Variants in COBL observed in about 807,000 individuals in gnomAD.
COBL encodes protein cordon-bleu.
Under a neutral mutation model 98.8 loss-of-function variants are expected in COBL, and 51 were observed. That is an observed-to-expected ratio of 0.52 (90% confidence interval 0.41 to 0.65). The LOEUF is 0.65. COBL is among the 30% of genes least tolerant of loss of function. COBL has a pLI of 0.00. For missense variants in COBL, 1,617 were observed against 1,617.5 expected (o/e 1.00, Z 0.01); for synonymous variants, 634 against 651.7 (o/e 0.97, Z 0.41).
chr7:51,130,572 A>C (rs904069516), intron 6 of COBL, among the ~76,000 whole-genome samples: 2 of 152,218 alleles, frequency 1.3e-5, no homozygotes, highest in Non-Finnish European at 2.9e-5. Context: ...AAATGCAGAG[A>C]GGACACTTGA....
chr7:51,064,914 T>C (rs900973958), intron 7 of COBL: 14 of 544,348 alleles, frequency 2.6e-5, no homozygotes, highest in Non-Finnish European at 4.2e-5. Context: ...CTGGAAAGGA[T>C]GCAGTGCGGT....
chr7:51,025,583 G>A (rs531127030), intron 11 of COBL, among the ~76,000 whole-genome samples: 1 of 152,306 alleles, frequency 6.6e-6, no homozygotes, highest in East Asian at 1.9e-4. Flanking sequence ...AGGATGCAGA[G>A]AGAAGGCACT....
At chr7:51,215,507 T>C (rs1792946895) in intron 2 of COBL, among the ~76,000 whole-genome samples, 1 of 152,202 alleles carries the variant, frequency 6.6e-6, no homozygotes, top group African/African-American at 2.4e-5. Flanking sequence ...CCACTGAACA[T>C]ACCAAGACTC....
At position 51,138,293 on chromosome 7, in the gene COBL, T is replaced by C. The variant is rs148247448; in HGVS notation, c.784-1962A>G. ...GAGTCCTTGAGTTCTGCAGCCATCATAGTCATTACTAAGCAAATAAGCCAT... is the reference window on the plus strand; with the variant it reads ...GAGTCCTTGAGTTCTGCAGCCATCACAGTCATTACTAAGCAAATAAGCCAT... On this transcript the variant is annotated intron_variant, in intron 5 of 12. Coordinates refer to ENST00000265136, the MANE Select transcript of COBL (RefSeq NM_015198.5). Among the ~76,000 whole-genome samples, 11 of 152,348 alleles carry C rather than the reference T, an allele frequency of 7.2e-5. No individual in the cohort carries two copies. In the East Asian group the frequency reaches 2.1e-3, roughly 29 times the overall value.
intron 1 of COBL, among the ~76,000 whole-genome samples, chr7:51,284,617 A>G (rs1800145046): frequency 6.6e-6 from 1 of 151,900 alleles, no homozygotes; most frequent in Non-Finnish European, 1.5e-5. Flanking sequence ...TCATGAGGTC[A>G]GGAGTTCGAG....
chr7:51,237,975 GCCAGGGCTACACCCT>G (rs1305942379), intron 1 of COBL, among the ~76,000 whole-genome samples: 4 of 152,140 alleles, frequency 2.6e-5, no homozygotes, highest in Non-Finnish European at 4.4e-5. Context: ...CTCACAACCT[GCCAGGGCTACACCCT>G]CCAGGGCATG....
At chr7:51,130,917 C>T (rs780524717) in intron 6 of COBL, among the ~76,000 whole-genome samples, 10 of 152,216 alleles carry the variant, frequency 6.6e-5, no homozygotes, top group Non-Finnish European at 1.3e-4. Context: ...TTTATGTATA[C>T]ACTGTGCTGA....
At chr7:51,249,428 T>C (rs1353052595) in intron 1 of COBL, among the ~76,000 whole-genome samples, 2 of 152,216 alleles carry the variant, frequency 1.3e-5, no homozygotes, top group African/African-American at 4.8e-5. Context: ...GAGTCATGTC[T>C]GAGATGAGGG....
At chr7:51,140,553 G>A (rs1035954382) in intron 5 of COBL, among the ~76,000 whole-genome samples, 12 of 151,988 alleles carry the variant, frequency 7.9e-5, no homozygotes, top group South Asian at 2.1e-4. Flanking sequence ...GTGTGTGTGC[G>A]TATATATATA....
intron 7 of COBL, among the ~76,000 whole-genome samples, chr7:51,075,363 C>T (rs1270692728): frequency 6.6e-6 from 1 of 152,086 alleles, no homozygotes; most frequent in African/African-American, 2.4e-5. Flanking sequence ...TCACTGAATG[C>T]GGTGCTGTGA....
chr7:51,189,606 C>A (rs1255641946), intron 4 of COBL, among the ~76,000 whole-genome samples: 1 of 151,544 alleles, frequency 6.6e-6, no homozygotes, highest in African/African-American at 2.4e-5. Flanking sequence ...TGCACTACAG[C>A]CTGGGCTATA....
chr7:51,147,369 T>C (rs891585915), intron 5 of COBL, among the ~76,000 whole-genome samples: 5 of 152,216 alleles, frequency 3.3e-5, no homozygotes, highest in Admixed American at 6.5e-5. Context: ...CTCAGCAAGG[T>C]CATTTTTACT....
intron 3 of COBL, among the ~76,000 whole-genome samples, chr7:51,192,966 C>T (rs1196607523): frequency 1.3e-5 from 2 of 151,874 alleles, no homozygotes; most frequent in Non-Finnish European, 2.9e-5. Flanking sequence ...AAAGCTGTGT[C>T]AATTAAAATG....
chr7:51,182,646 G>GA (rs983033233), intron 5 of COBL, among the ~76,000 whole-genome samples: 1 of 95,986 alleles, frequency 1.0e-5, no homozygotes, highest in Non-Finnish European at 2.7e-5. Flanking sequence ...GAGGAGGAGG[G>GA]AGAGTAGGGG....
At chr7:51,148,918 C>A (rs1427777188) in intron 5 of COBL, among the ~76,000 whole-genome samples, 1 of 151,976 alleles carries the variant, frequency 6.6e-6, no homozygotes, top group East Asian at 1.9e-4. Flanking sequence ...ACATATATAA[C>A]TTCACCCCAC....
chr7:51,043,563 A>C lies in COBL; in HGVS notation c.1226T>G (p.Val409Gly), dbSNP rs1588306326. The part of the protein sequence containing the change: ...ASEDTTEDSG[V>G]MSSPSDIVSL... ...GACGATGTCTGAGGGGGAACTCATC[A>C]CTCCTGAGTCCTCGGTCGTGTCCTC... The change falls in exon 8 of 13, where the codon GTG (valine) becomes GGG (glycine). Residue 409 changes from valine (V) to glycine (G), a missense_variant. By Grantham distance (109) the Val-to-Gly change is moderately radical. Coordinates refer to ENST00000265136, the MANE Select transcript of COBL (RefSeq NM_015198.5). 1.2e-6 allele frequency: 2 copies of C among 1,613,770 alleles called. No individual in the cohort carries two copies. Among genetic ancestry groups the C allele is most frequent in the Non-Finnish European group, 1.7e-6 (2 of 1,179,942 alleles).
chr7:51,039,163 C>T (rs925141212), intron 8 of COBL, among the ~76,000 whole-genome samples: 32 of 152,210 alleles, frequency 2.1e-4, no homozygotes, highest in Admixed American at 3.9e-4. Context: ...CAACTAGGGA[C>T]GCTCTGCCAG....
intron 1 of COBL, among the ~76,000 whole-genome samples, chr7:51,242,986 A>T (rs1261942319): frequency 6.6e-6 from 1 of 152,216 alleles, no homozygotes; most frequent in East Asian, 1.9e-4. Context: ...CAAAGTCACC[A>T]GGCACCCAGG....
intron 1 of COBL, among the ~76,000 whole-genome samples, chr7:51,266,613 T>C (rs1276935175): frequency 6.6e-6 from 1 of 152,216 alleles, no homozygotes; most frequent in African/African-American, 2.4e-5. Context: ...CTGATTCTTA[T>C]TTTAAATGAC....
Sources: gnomAD v4.1 joint callset for allele counts (sites outside exome capture counted in the v4.1 genomes callset) on GRCh38, gnomAD v4.1.1 for gene constraint, MANE v1.5 for transcripts, NCBI Gene and HGNC (gene_info 2026-07-23, HGNC 2026-07-21) for gene names.